The following NEDD1 variants were observed in gnomAD, a reference collection of about 807,000 sequenced individuals.
NEDD1 encodes protein NEDD1.
A neutral mutation model predicts 74.0 loss-of-function variants in NEDD1; 33 were observed. That is an observed-to-expected ratio of 0.45 (90% CI 0.34 to 0.60). The LOEUF is 0.60. Among genes scored for constraint, NEDD1 ranks in the 20% least tolerant of loss-of-function variants. The pLI is 0.01. For synonymous variants in NEDD1, 250 were observed against 264.4 expected, an observed-to-expected ratio of 0.95 and a Z score of 0.53; for missense variants, 746 against 776.5, an observed-to-expected ratio of 0.96 and a Z score of 0.47.
In NEDD1 at chr12:96,922,330, T is replaced by C. The variant is rs574267550; in HGVS notation, c.489+2205T>C. ...TAAAGAGAGACATAAAGTCTAAGCCTATAAACTTTGGAACTATTGTGAAAA... is the reference window on the plus strand; with the variant it reads ...TAAAGAGAGACATAAAGTCTAAGCCCATAAACTTTGGAACTATTGTGAAAA... On this transcript the variant is annotated intron_variant, in intron 6 of 15. Transcript: ENST00000266742. 2.6e-5 allele frequency among the ~76,000 whole-genome samples: 4 copies of C among 152,322 alleles called. No individual in the cohort carries two copies. In the East Asian group the frequency reaches 7.7e-4, roughly 29 times the overall value.
rs1877211520 is a variant in NEDD1, at chr12:96,937,259, T to G, written c.983T>G (p.Val328Gly). Residue 328 changes from valine to glycine, a missense_variant, in exon 9 of 16, where the codon GTG (valine) becomes GGG (glycine). By Grantham distance (109) the Val-to-Gly change is moderately radical. This residue lies in a region of NEDD1 where 706 missense variants were observed against 706.7 expected (regional missense o/e 1.00). Transcript: ENST00000266742. ...ACAGTGAACAAACGAAGTGTTAATG[T>G]GAATGCTGCTAGTGGAGGAGTTCAG... ...PTTVNKRSVN[V>G]NAASGGVQNS... 6.2e-7 allele frequency: 1 copy of G among 1,612,686 alleles called. No individual in the cohort carries two copies. The highest frequency in any genetic ancestry group is 1.7e-5 in the Admixed American group (1 of 59,874).
At chr12:96,949,482 T>C (rs1382694552) in intron 14 of NEDD1, among the ~76,000 whole-genome samples, 1 of 152,112 alleles carries the variant, frequency 6.6e-6, no homozygotes, top group East Asian at 1.9e-4. Context: ...TTAGTTCACC[T>C]AAATAGGTCA....
At chr12:96,918,096 T>C (rs1426057879) in intron 5 of NEDD1, among the ~76,000 whole-genome samples, 1 of 151,984 alleles carries the variant, frequency 6.6e-6, no homozygotes, top group East Asian at 1.9e-4. Context: ...TTTGTGATGA[T>C]AGTATTCAAT....
chr12:96,907,868 G>A lies in NEDD1; in HGVS notation c.-9+12G>A, dbSNP rs1004895166. 2 of 1,347,642 alleles carry A rather than the reference G, an allele frequency of 1.5e-6. No individual in the cohort carries two copies. The highest frequency in any genetic ancestry group is 2.9e-5 in the African/African-American group (2 of 67,894). The allele number at this position is 1,347,642 out of a possible 1,614,324, so 83.5% of individuals were successfully genotyped here. On this transcript the variant is annotated intron_variant, in intron 2 of 15. Transcript: ENST00000266742. ...CTTAGAAGACCGAGGTAGGTGGGCA[G>A]ATGGTCCTCTTCCCCGCCCCGCTTT...
chr12:96,932,463 A>AAAAAAAAAAAAAATAT, intron 6 of NEDD1, among the ~76,000 whole-genome samples: 6 of 9,434 alleles, frequency 6.4e-4, no homozygotes, highest in Non-Finnish European at 9.9e-4. Context: ...AAAAAAAAAA[A>AAAAAAAAAAAAAATAT]ATATATATAT....
chr12:96,939,585 G>A (rs1018461983), intron 9 of NEDD1, among the ~76,000 whole-genome samples: 22 of 152,050 alleles, frequency 1.4e-4, no homozygotes, highest in African/African-American at 5.3e-4. Flanking sequence ...TTTTTAAAAT[G>A]TAATACAGTA....
rs982220269 is a variant in NEDD1 at position 96,935,002 on chromosome 12, G to T, written c.516G>T (p.Leu172Phe). The change falls in exon 7 of 16, where the codon TTG (leucine) becomes TTT (phenylalanine). Residue 172 changes from leucine (L) to phenylalanine (F), a missense_variant. Leu to Phe is a conservative substitution (Grantham distance 22, BLOSUM62 0). Around this residue, in one of 3 missense-constraint regions of NEDD1, gnomAD observed 706 missense variants for 706.7 expected, o/e 1.00. Transcript: ENST00000266742. ...NQSVRHLKYS[L>F]FKKSLLGSVS... The stretch of plus-strand genomic sequence containing the variant: ...CTGTTCGGCACTTGAAGTACTCCTT[G>T]TTTAAGAAATCACTACTGGGCAGTG... 1 of 1,608,720 alleles carries T rather than the reference G, an allele frequency of 6.2e-7. No homozygotes were observed. The highest frequency in any genetic ancestry group is 8.5e-7 in the Non-Finnish European group (1 of 1,175,168).
chr12:96,929,554 TATACACACACACAC>T (rs1876119325), intron 6 of NEDD1, among the ~76,000 whole-genome samples: 1 of 82,942 alleles, frequency 1.2e-5, no homozygotes, highest in African/African-American at 5.5e-5. Context: ...TGTTTTCATG[TATACACACACACAC>T]ACACACACAC....
chr12:96,940,755 C>T (rs1026682972), intron 10 of NEDD1, among the ~76,000 whole-genome samples: 5 of 151,992 alleles, frequency 3.3e-5, no homozygotes, highest in African/African-American at 4.8e-5. Flanking sequence ...ATGCAAATAG[C>T]TCTCAAGTTA....
chr12:96,921,672 T>G (rs894024008), intron 6 of NEDD1, among the ~76,000 whole-genome samples: 16 of 151,532 alleles, frequency 1.1e-4, no homozygotes, highest in African/African-American at 3.6e-4. Flanking sequence ...ATTTTTTTTT[T>G]TCTTTCTTAG....
intron 4 of NEDD1, 70 bp downstream of exon 4, chr12:96,912,887 G>A (rs1874064902): frequency 2.7e-6 from 2 of 740,834 alleles, no homozygotes; most frequent in East Asian, 5.2e-5. Flanking sequence ...TGCTTATTGT[G>A]GTGCTTGCGA....
chr12:96,917,128 A>G (rs1011014874), intron 4 of NEDD1, among the ~76,000 whole-genome samples: 1 of 152,200 alleles, frequency 6.6e-6, no homozygotes, highest in Non-Finnish European at 1.5e-5. Flanking sequence ...GATTTGCTGG[A>G]AGACTTAGGG....
chr12:96,907,563 G>C, intron 1 of NEDD1, 41 bp from the exon 2 acceptor site: 1 of 1,540,628 alleles, frequency 6.5e-7, no homozygotes, highest in Non-Finnish European at 8.8e-7. Context: ...CCACAAGTCT[G>C]TCTCCTTTTT....
chr12:96,936,957 C>A, intron 8 of NEDD1, 145 bp downstream of exon 8: 1 of 574,662 alleles, frequency 1.7e-6, no homozygotes, highest in South Asian at 3.4e-5. Flanking sequence ...AATTTTAGTA[C>A]AAAGCCATTT....
intron 6 of NEDD1, among the ~76,000 whole-genome samples, chr12:96,926,031 A>AT (rs3035156): frequency 0.022 from 3,183 of 148,026 alleles, 88 homozygotes; most frequent in African/African-American, 0.069. Context: ...TTTCAAAGGG[A>AT]TTTTTTTTTT....
chr12:96,919,753 T>C (rs535345326), intron 5 of NEDD1, among the ~76,000 whole-genome samples: 178 of 152,332 alleles, frequency 1.2e-3, no homozygotes, highest in Middle Eastern at 0.01. Context: ...AAGTGAATTC[T>C]TTAAGGAAGA....
At chr12:96,935,302 CA>C (rs1876980558) in intron 7 of NEDD1, 97 bp downstream of exon 7, 1 of 724,054 alleles carries the variant, frequency 1.4e-6, no homozygotes, top group Admixed American at 2.5e-5. Context: ...GATTAGTGTC[CA>C]GGGGTCCTAA....
intron 10 of NEDD1, among the ~76,000 whole-genome samples, chr12:96,941,775 T>A: frequency 6.6e-6 from 1 of 152,168 alleles, no homozygotes; most frequent in East Asian, 1.9e-4. Context: ...TTTGCTATGT[T>A]TAAAAATGTT....
chr12:96,940,113 TC>T (rs1877517329), intron 9 of NEDD1, among the ~76,000 whole-genome samples: 1 of 152,028 alleles, frequency 6.6e-6, no homozygotes, highest in East Asian at 1.9e-4. Flanking sequence ...TTAGAAAAAT[TC>T]CAACAAAATG....
Sources: gnomAD v4.1 joint callset for allele counts (sites outside exome capture counted in the v4.1 genomes callset) on GRCh38, gnomAD v4.1.1 for gene constraint, gnomAD v4.1.1 regional missense constraint, MANE v1.5 for transcripts, NCBI Gene and HGNC (gene_info 2026-07-23, HGNC 2026-07-21) for gene names.